The following QRICH1 variants were observed in gnomAD, a reference collection of about 807,000 sequenced individuals.
QRICH1 encodes the protein transcriptional regulator QRICH1.
QRICH1 carries 16 observed loss-of-function variants against 87.1 expected under a neutral mutation model. The observed-to-expected ratio is 0.18, with a 90% confidence interval of 0.12 to 0.28. The LOEUF (loss-of-function observed/expected upper bound fraction) is 0.28, where lower values mean the gene tolerates loss of function less well. Among genes scored for constraint, QRICH1 ranks in the 10% least tolerant of loss-of-function variants. QRICH1 has a pLI of 1.00. For missense variants in QRICH1, 647 were observed against 951.7 expected, an observed-to-expected ratio of 0.68 and a Z score of 4.21; for synonymous variants, 367 against 368.4, an observed-to-expected ratio of 1.00 and a Z score of 0.05.
chr3:49,062,377 T>C (rs929922604), intron 2 of QRICH1, among the ~76,000 whole-genome samples: 2 of 150,380 alleles, frequency 1.3e-5, no homozygotes, highest in Admixed American at 1.3e-4. Flanking sequence ...AGTCGCTTTT[T>C]TTTTTTTTTT....
intron 2 of QRICH1, among the ~76,000 whole-genome samples, chr3:49,069,972 C>T (rs899874251): frequency 1.3e-5 from 2 of 152,064 alleles, no homozygotes; most frequent in African/African-American, 4.8e-5. Flanking sequence ...TACTTCTCAG[C>T]TTAGGGCACT....
At chr3:49,038,725 A>G (rs1033127223) in intron 6 of QRICH1, among the ~76,000 whole-genome samples, 3 of 152,124 alleles carry the variant, frequency 2.0e-5, no homozygotes, top group African/African-American at 7.2e-5. Flanking sequence ...CCATTTTTTT[A>G]AATTATTTTT....
chr3:49,041,159 T>C (rs2106842224), intron 6 of QRICH1, among the ~76,000 whole-genome samples: 1 of 152,128 alleles, frequency 6.6e-6, no homozygotes, highest in East Asian at 1.9e-4. Context: ...TTAGTAGATA[T>C]GGGTTTCCCC....
chr3:49,080,850 A>G (rs1192525002), intron 1 of QRICH1, among the ~76,000 whole-genome samples: 2 of 151,670 alleles, frequency 1.3e-5, no homozygotes, highest in African/African-American at 4.8e-5. Flanking sequence ...AAAAACCATT[A>G]TAATAGTATA....
rs1226018317 is a variant in QRICH1, at chr3:49,030,111, T to G, written c.*341A>C. On this transcript the variant is annotated 3_prime_UTR_variant, in exon 10 of 10. Transcript: ENST00000395443. Reference sequence around the variant, plus strand: ...ATTCCCTCCAGGGTCCATCCATCATTAATTCCATCTCTCTTGAAGATGGAA... The same window carrying G: ...ATTCCCTCCAGGGTCCATCCATCATGAATTCCATCTCTCTTGAAGATGGAA... 1 of 388,546 alleles carries G rather than the reference T, an allele frequency of 2.6e-6. No individual in the cohort carries two copies. Among genetic ancestry groups the G allele is most frequent in the Non-Finnish European group, 4.6e-6 (1 of 218,508 alleles). The allele number at this position is 388,546 out of a possible 1,614,324, so 24.1% of individuals were successfully genotyped here. A position where few individuals can be genotyped will look rare whatever the true frequency, so the allele number is the denominator to read the frequency against.
chr3:49,069,101 A>ATTTT (rs1340493320), intron 2 of QRICH1, among the ~76,000 whole-genome samples: 16 of 87,392 alleles, frequency 1.8e-4, no homozygotes, highest in South Asian at 5.3e-4. Flanking sequence ...TATTATTATT[A>ATTTT]TTATTATTTT....
intron 1 of QRICH1, among the ~76,000 whole-genome samples, chr3:49,085,708 A>G (rs1337731722): frequency 1.3e-5 from 2 of 151,902 alleles, no homozygotes; most frequent in African/African-American, 4.8e-5. Context: ...CAGTGAGCCA[A>G]GACCATGCCA....
rs1264366413 is a variant in QRICH1, at chr3:49,030,022, GA to G, written c.*429del. Reference sequence around the variant, plus strand: ...AAGTTTATGTCTGATCATGAAGAAAGAAAAGAACATCGTTCCCCTGTGGTCA... The same window carrying G: ...AAGTTTATGTCTGATCATGAAGAAAGAAAGAACATCGTTCCCCTGTGGTCA... On this transcript the variant is annotated 3_prime_UTR_variant, in exon 10 of 10. Coordinates refer to ENST00000395443, the MANE Select transcript of QRICH1 (RefSeq NM_198880.3). The G allele has an allele frequency of 4.3e-5, 11 of 253,358 alleles. No individual in the cohort carries two copies. Among genetic ancestry groups the G allele is most frequent in the African/African-American group, 2.0e-4 (9 of 45,086 alleles). 15.7% of individuals were successfully genotyped at this position (253,358 alleles called of 1,614,324 possible).
At chr3:49,059,727 T>C (rs1315691134) in intron 2 of QRICH1, among the ~76,000 whole-genome samples, 2 of 150,402 alleles carry the variant, frequency 1.3e-5, no homozygotes, top group African/African-American at 4.9e-5. Context: ...TAGCCTTATT[T>C]ATTTATTTTC....
chr3:49,068,617 T>A (rs896644182), intron 2 of QRICH1, among the ~76,000 whole-genome samples: 1 of 151,284 alleles, frequency 6.6e-6, no homozygotes, highest in Non-Finnish European at 1.5e-5. Flanking sequence ...AGAGCCAAGC[T>A]TGGCTAAAAT....
chr3:49,033,265 G>T, intron 6 of QRICH1, 37 bp from the exon 7 acceptor site: 1 of 1,351,148 alleles, frequency 7.4e-7, no homozygotes, highest in Non-Finnish European at 9.9e-7. Flanking sequence ...CAAGAGGATG[G>T]CAGGTGGTCT....
intron 2 of QRICH1, among the ~76,000 whole-genome samples, chr3:49,074,444 C>T (rs1414257305): frequency 6.6e-6 from 1 of 151,410 alleles, no homozygotes; most frequent in African/African-American, 2.4e-5. Flanking sequence ...TGGTGGCTGG[C>T]GCCTGTAGTC....
intron 1 of QRICH1, among the ~76,000 whole-genome samples, chr3:49,082,305 T>C (rs2042077613): frequency 6.6e-6 from 1 of 152,188 alleles, no homozygotes. Flanking sequence ...ATATTTTAGT[T>C]TTAGAATACA....
chr3:49,069,638 A>T lies in QRICH1; in HGVS notation c.309+7071T>A, dbSNP rs1364412643. Among the ~76,000 whole-genome samples the T allele has an allele frequency of 2.7e-5, 4 of 148,442 alleles. No individual in the cohort carries two copies. The East Asian group carries it at 7.9e-4, about 29-fold the overall frequency. ...GCTGGGATTACAGGTGTGTACCACT[A>T]CATCTGGCTAATTTTATTTTTAGTA... On this transcript the variant is annotated intron_variant, in intron 2 of 9. Transcript: ENST00000395443.
chr3:49,036,778 T>C (rs982067684), intron 6 of QRICH1, among the ~76,000 whole-genome samples: 1 of 151,912 alleles, frequency 6.6e-6, no homozygotes, highest in African/African-American at 2.4e-5. Flanking sequence ...GAGGGAAAGT[T>C]AGGGCCAGGA....
chr3:49,046,973 A>G, intron 4 of QRICH1, 96 bp downstream of exon 4: 1 of 1,383,684 alleles, frequency 7.2e-7, no homozygotes, highest in South Asian at 1.4e-5. Flanking sequence ...TCTTGTCCCC[A>G]AGACAGGAGA....
At position 49,088,618 on chromosome 3, in the gene QRICH1, G is replaced by GTTT. The variant is rs1206382284; in HGVS notation, c.-22+5291_-22+5293dup. Among the ~76,000 whole-genome samples, 10 of 93,164 alleles carry GTTT rather than the reference G, an allele frequency of 1.1e-4. 1 individual carries two copies. Among genetic ancestry groups the GTTT allele is most frequent in the South Asian group, 4.0e-4 (1 of 2,480 alleles). The allele number at this position is 93,164 out of a possible 152,430, so 61.1% of individuals were successfully genotyped here. A position where few individuals can be genotyped will look rare whatever the true frequency, so the allele number is the denominator to read the frequency against. On this transcript the variant is annotated intron_variant, in intron 1 of 9. Coordinates refer to ENST00000395443, the MANE Select transcript of QRICH1 (RefSeq NM_198880.3). The stretch of plus-strand genomic sequence containing the variant: ...GAGCCACTGCACCAGGCTTTTGTCT[G>GTTT]TTTTTTTTTTTTTTTTTTTTTTAAT...
intron 2 of QRICH1, among the ~76,000 whole-genome samples, chr3:49,065,631 C>T (rs2093463723): frequency 6.6e-6 from 1 of 151,794 alleles, no homozygotes. Context: ...ATAAAAACAG[C>T]TTTGACCTTG....
chr3:49,076,280 C>A (rs34580506), intron 2 of QRICH1, among the ~76,000 whole-genome samples: 11,555 of 152,316 alleles, frequency 0.076, 582 homozygotes, highest in Non-Finnish European at 0.11. Flanking sequence ...CAGTCCCCCA[C>A]CATCACTGAC....
Sources: allele counts gnomAD v4.1 joint callset (sites outside exome capture counted in the v4.1 genomes callset), GRCh38; gene constraint gnomAD v4.1.1; transcripts MANE v1.5; gene names NCBI Gene and HGNC (gene_info 2026-07-23, HGNC 2026-07-21).